The following LRRC37A2 variants were observed in gnomAD, a reference collection of about 807,000 sequenced individuals.
LRRC37A2 encodes leucine rich repeat containing 37 member A2, also known as leucine-rich repeat-containing protein 37A2.
In LRRC37A2, 9 loss-of-function variants were observed where a neutral mutation model predicts 68.8. The observed-to-expected ratio is 0.13, with a 90% CI of 0.08 to 0.23. The LOEUF (loss-of-function observed/expected upper bound fraction) is 0.23. Among genes scored for constraint, LRRC37A2 ranks in the 10% least tolerant of loss-of-function variants. The probability of loss-of-function intolerance (pLI) is 1.00; values close to 1 mark genes in which losing one functional copy is unlikely to be tolerated. For missense variants in LRRC37A2, 168 were observed against 950.4 expected, an observed-to-expected ratio of 0.18 and a Z score of 10.82; for synonymous variants, 63 against 367.6, an observed-to-expected ratio of 0.17 and a Z score of 9.48.
the LRRC37A2 span, among the ~76,000 whole-genome samples, chr17:46,743,479 T>C: frequency 6.6e-6 from 1 of 152,196 alleles, no homozygotes; most frequent in Non-Finnish European, 1.5e-5. Flanking sequence ...ATATTTATGG[T>C]TGAGGAGGAG....
chr17:46,929,662 C>A, the LRRC37A2 span: 1 of 792,814 alleles, frequency 1.3e-6, no homozygotes. Flanking sequence ...TGACTGCACT[C>A]TGCCTTGGGG....
At chr17:46,844,305 CTT>C in the LRRC37A2 span, among the ~76,000 whole-genome samples, 2,926 of 127,366 alleles carry the variant, frequency 0.023, 40 homozygotes, top group African/African-American at 0.057. Flanking sequence ...AGTTAGCCAC[CTT>C]TTTTTTTTTT....
the LRRC37A2 span, chr17:46,722,162 G>A: frequency 6.2e-7 from 1 of 1,611,658 alleles, no homozygotes; most frequent in Admixed American, 1.7e-5. Context: ...CGCTCGAACT[G>A]AACATGGCTT....
the LRRC37A2 span, chr17:46,936,277 T>G: frequency 1.7e-5 from 17 of 985,240 alleles, no homozygotes; most frequent in African/African-American, 3.0e-4. Context: ...GTAGAGGCCT[T>G]TTAGGACCAA....
chr17:46,707,536 C>G, the LRRC37A2 span, among the ~76,000 whole-genome samples: 1 of 152,022 alleles, frequency 6.6e-6, no homozygotes, highest in African/African-American at 2.4e-5. Context: ...AATAATAACT[C>G]TTTTTTCCCT....
the LRRC37A2 span, among the ~76,000 whole-genome samples, chr17:46,817,635 C>T: frequency 5.6e-3 from 808 of 143,014 alleles, 8 homozygotes; most frequent in African/African-American, 0.019. Context: ...CACGCACAGC[C>T]CCCCCCAAGC....
At chr17:46,721,889 A>G in the LRRC37A2 span, 2 of 1,588,696 alleles carry the variant, frequency 1.3e-6, no homozygotes, top group Non-Finnish European at 1.7e-6. Context: ...AGCGATAAAG[A>G]CGACATGCTT....
At chr17:46,724,907 C>A in the LRRC37A2 span, among the ~76,000 whole-genome samples, 1 of 152,124 alleles carries the variant, frequency 6.6e-6, no homozygotes, top group African/African-American at 2.4e-5. Context: ...GAGTGATTTC[C>A]ATTCCCTGAC....
chr17:46,404,895 T>G, the LRRC37A2 span, among the ~76,000 whole-genome samples: 1 of 100,006 alleles, frequency 1.0e-5, no homozygotes, highest in African/African-American at 3.5e-5. Flanking sequence ...AATAAATAAA[T>G]AAATAAATAA....
chr17:46,715,814 A>G, the LRRC37A2 span, among the ~76,000 whole-genome samples: 1 of 152,212 alleles, frequency 6.6e-6, no homozygotes, highest in Non-Finnish European at 1.5e-5. Context: ...AAGCCTTTCA[A>G]GGTAGAGTTT....
At chr17:46,760,389 T>C in the LRRC37A2 span, among the ~76,000 whole-genome samples, 12 of 152,010 alleles carry the variant, frequency 7.9e-5, no homozygotes, top group African/African-American at 2.9e-4. Flanking sequence ...GTCCCAATGC[T>C]GAGAGGCTGA....
At chr17:46,868,325 C>T in the LRRC37A2 span, among the ~76,000 whole-genome samples, 4 of 152,238 alleles carry the variant, frequency 2.6e-5, no homozygotes, top group Admixed American at 6.5e-5. Flanking sequence ...GGCGTGGTGG[C>T]TCATGCCTGT....
chr17:46,974,609 C>T, the LRRC37A2 span, among the ~76,000 whole-genome samples: 1 of 152,146 alleles, frequency 6.6e-6, no homozygotes, highest in African/African-American at 2.4e-5. Context: ...TGGCGGGCGC[C>T]TGTAGTCCCA....
the LRRC37A2 span, chr17:46,965,051 T>C: frequency 6.6e-6 from 1 of 152,170 alleles, no homozygotes; most frequent in African/African-American, 2.4e-5. Context: ...TAAGTACATG[T>C]GTGATGGCCC....
chr17:47,032,925 T>C, the LRRC37A2 span, among the ~76,000 whole-genome samples: 1 of 152,104 alleles, frequency 6.6e-6, no homozygotes. Flanking sequence ...TTGATTAAGA[T>C]ACAGGCTCAC....
the LRRC37A2 span, among the ~76,000 whole-genome samples, chr17:46,999,497 C>A: frequency 3.2e-4 from 49 of 151,990 alleles, no homozygotes; most frequent in Admixed American, 1.1e-3. Flanking sequence ...TACAGGCACA[C>A]GCCACCATGC....
At chr17:46,994,136 G>A in the LRRC37A2 span, among the ~76,000 whole-genome samples, 9 of 151,806 alleles carry the variant, frequency 5.9e-5, no homozygotes, top group Non-Finnish European at 1.2e-4. Context: ...CATAATCCCG[G>A]GACTTTGGGA....
At chr17:46,532,405 T>C (rs1212720169) in intron 6 of LRRC37A2, among the ~76,000 whole-genome samples, 3 of 150,208 alleles carry the variant, frequency 2.0e-5, no homozygotes, top group Non-Finnish European at 4.4e-5. Flanking sequence ...TTAGTTTGGA[T>C]ACCAGGTTAA....
At chr17:47,029,257 T>C in the LRRC37A2 span, among the ~76,000 whole-genome samples, 1 of 151,722 alleles carries the variant, frequency 6.6e-6, no homozygotes, top group African/African-American at 2.4e-5. Flanking sequence ...CTGGCCAAGA[T>C]GGTGTTTATG....
Sources: allele counts gnomAD v4.1 joint callset (sites outside exome capture counted in the v4.1 genomes callset), GRCh38; gene constraint gnomAD v4.1.1; transcripts MANE v1.5; gene names NCBI Gene and HGNC (gene_info 2026-07-23, HGNC 2026-07-21).